The following LNX1 variants were observed in gnomAD, a reference collection of about 807,000 sequenced individuals.
LNX1 encodes E3 ubiquitin-protein ligase LNX.
LNX1 carries 54 observed loss-of-function variants against 68.4 expected under a neutral mutation model. That is an observed-to-expected ratio of 0.79 (90% CI 0.63 to 0.99). LNX1 has a LOEUF of 0.99. LNX1 is among the 50% of genes least tolerant of loss of function. The pLI is 0.00. For missense variants in LNX1, 906 were observed against 926.4 expected, an observed-to-expected ratio of 0.98 and a Z score of 0.29; for synonymous variants, 336 against 350.0, an observed-to-expected ratio of 0.96 and a Z score of 0.45.
At chr4:53,545,084 ATAAGATCCCT>A (rs1046273838) in intron 2 of LNX1, among the ~76,000 whole-genome samples, 6 of 152,234 alleles carry the variant, frequency 3.9e-5, no homozygotes, top group African/African-American at 1.2e-4. Context: ...TGAGTTTGCA[ATAAGATCCCT>A]TTGATCCTTT....
intron 2 of LNX1, among the ~76,000 whole-genome samples, chr4:53,511,461 T>G (rs766812238): frequency 6.6e-6 from 1 of 152,128 alleles, no homozygotes. Context: ...TGGTGATGGG[T>G]GATGGCCATG....
chr4:53,501,960 T>C (rs1403386490), intron 4 of LNX1: 1 of 152,226 alleles, frequency 6.6e-6, no homozygotes. Flanking sequence ...GCAACAACTC[T>C]ATACAAGAGC....
At chr4:53,462,891 C>CTGTG (rs1212584187) in intron 9 of LNX1, among the ~76,000 whole-genome samples, 1 of 152,118 alleles carries the variant, frequency 6.6e-6, no homozygotes, top group Non-Finnish European at 1.5e-5. Context: ...TCTTTGGGAG[C>CTGTG]TGTGGTGTGT....
chr4:53,615,069 T>A (rs1370566779), intron 2 of LNX1, among the ~76,000 whole-genome samples: 1 of 151,996 alleles, frequency 6.6e-6, no homozygotes, highest in Non-Finnish European at 1.5e-5. Flanking sequence ...TTCAAATGAA[T>A]TAATTGCTGA....
chr4:53,492,481 T>G lies in LNX1; in HGVS notation c.1350+3542A>C, dbSNP rs577179677. Among the ~76,000 whole-genome samples, 304 of 125,564 alleles carry G rather than the reference T, an allele frequency of 2.4e-3. 1 individual carries two copies. Among genetic ancestry groups the G allele is most frequent in the South Asian group, 4.6e-3 (19 of 4,088 alleles). 82.4% of individuals were successfully genotyped at this position (125,564 alleles called of 152,430 possible). ...TAACGATCTGCAACTTTAACCTAAG[T>G]GTCTCAGGAGGCCTCAGAGGGCTCT... On this transcript the variant is annotated intron_variant, in intron 6 of 10. Transcript: ENST00000263925.
chr4:53,647,875 A>G, intron 1 of LNX1, among the ~76,000 whole-genome samples: 1 of 152,250 alleles, frequency 6.6e-6, no homozygotes, highest in East Asian at 1.9e-4. Context: ...TGTCCTTCTG[A>G]AACTGGCTTT....
chr4:53,554,839 G>C (rs975387739), intron 2 of LNX1, among the ~76,000 whole-genome samples: 2 of 146,052 alleles, frequency 1.4e-5, no homozygotes, highest in African/African-American at 2.6e-5. Flanking sequence ...GCAACAGAGC[G>C]AGACTCTGTC....
rs56165716 is a variant in LNX1, at chr4:53,501,299, T to TTTG, written c.776-2457_776-2456insCAA. Among the ~76,000 whole-genome samples the TTTG allele has an allele frequency of 1.1e-3, 43 of 38,774 alleles. 2 individuals carry two copies. Among genetic ancestry groups the TTTG allele is most frequent in the Non-Finnish European group, 1.9e-3 (28 of 14,380 alleles). 25.4% of individuals were successfully genotyped at this position (38,774 alleles called of 152,430 possible). On this transcript the variant is annotated intron_variant, in intron 4 of 10. Transcript: ENST00000263925. ...TAATAATCTTTTTTTTTTTTTTTTT[T>TTTG]GGGGGTGGGGGGACAGGATCTCACT...
chr4:53,566,075 C>T (rs1194725232), intron 2 of LNX1, among the ~76,000 whole-genome samples: 1 of 151,444 alleles, frequency 6.6e-6, no homozygotes, highest in Non-Finnish European at 1.5e-5. Context: ...AAACACTCTG[C>T]AGGATATTAT....
At chr4:53,570,240 A>G (rs1246571767) in intron 2 of LNX1, among the ~76,000 whole-genome samples, 3 of 147,830 alleles carry the variant, frequency 2.0e-5, no homozygotes, top group Non-Finnish European at 3.0e-5. Context: ...CATTATTCAC[A>G]ATAGCAAAGA....
intron 2 of LNX1, among the ~76,000 whole-genome samples, chr4:53,608,211 CTG>C (rs1455832282): frequency 2.0e-5 from 3 of 152,140 alleles, no homozygotes; most frequent in African/African-American, 7.2e-5. Flanking sequence ...TATTTGTAAA[CTG>C]TGCATCCTAC....
At chr4:53,596,061 C>G (rs1732738828), upstream of LNX1, among the ~76,000 whole-genome samples, 1 of 152,130 alleles carries the variant, frequency 6.6e-6, no homozygotes, top group Non-Finnish European at 1.5e-5. Context: ...GCCGTAATTA[C>G]TTTTTTAAAT....
chr4:53,615,305 C>T (rs559936452), intron 2 of LNX1, among the ~76,000 whole-genome samples: 2 of 152,232 alleles, frequency 1.3e-5, no homozygotes, highest in East Asian at 1.9e-4. Context: ...CTGCTTCTCC[C>T]AACAGGAGGC....
chr4:53,630,049 C>T (rs1355424260), intron 1 of LNX1, among the ~76,000 whole-genome samples: 1 of 151,646 alleles, frequency 6.6e-6, no homozygotes, highest in African/African-American at 2.4e-5. Context: ...ATGTTGAAAA[C>T]ATGAGTATTT....
chr4:53,595,800 T>C (rs1732725473), upstream of LNX1, among the ~76,000 whole-genome samples: 1 of 152,222 alleles, frequency 6.6e-6, no homozygotes, highest in African/African-American at 2.4e-5. Context: ...GGACTCCTCC[T>C]GGCAATGAAC....
chr4:53,536,592 CTG>C (rs1728389021), intron 2 of LNX1, among the ~76,000 whole-genome samples: 1 of 152,166 alleles, frequency 6.6e-6, no homozygotes, highest in African/African-American at 2.4e-5. Context: ...CTCAGGGCCT[CTG>C]TGTCCCTGGT....
chr4:53,520,245 A>T (rs1727115923), intron 2 of LNX1, among the ~76,000 whole-genome samples: 3 of 152,204 alleles, frequency 2.0e-5, no homozygotes. Flanking sequence ...CTTCCCAGGG[A>T]CTGAAAGAAC....
chr4:53,572,692 C>T (rs966366156), intron 2 of LNX1, among the ~76,000 whole-genome samples: 1 of 152,240 alleles, frequency 6.6e-6, no homozygotes, highest in South Asian at 2.1e-4. Context: ...AAGAACATGA[C>T]AATGTAAGTG....
At chr4:53,585,764 G>A (rs754930977) in intron 1 of LNX1, among the ~76,000 whole-genome samples, 51 of 152,160 alleles carry the variant, frequency 3.4e-4, no homozygotes, top group Non-Finnish European at 5.3e-4. Context: ...AGCCTTCAGA[G>A]GAGTGTGGCC....
Sources: allele counts gnomAD v4.1 joint callset (sites outside exome capture counted in the v4.1 genomes callset), GRCh38; gene constraint gnomAD v4.1.1; transcripts MANE v1.5; gene names NCBI Gene and HGNC (gene_info 2026-07-23, HGNC 2026-07-21).